AJAP1: variants seen among roughly 807,000 people sequenced by gnomAD.
The protein encoded by AJAP1 is adherens junctions associated protein 1.
A neutral mutation model predicts 35.0 loss-of-function variants in AJAP1; 5 were observed. The ratio of observed to expected loss-of-function variants is 0.14; its 90% CI spans 0.07 to 0.30. AJAP1 has a LOEUF of 0.30. Ranked by LOEUF, AJAP1 falls within the 10% of genes least tolerant of loss-of-function variation. AJAP1 has a pLI of 1.00. For missense variants in AJAP1, 586 were observed against 571.0 expected (o/e 1.03, Z -0.27); for synonymous variants, 284 against 249.3 (o/e 1.14, Z -1.31).
At chr1:4,735,416 G>A (rs1257751668) in intron 2 of AJAP1, among the ~76,000 whole-genome samples, 1 of 152,184 alleles carries the variant, frequency 6.6e-6, no homozygotes, top group Non-Finnish European at 1.5e-5. Flanking sequence ...CCAGGTTTGG[G>A]ACTCTCCTGG....
At chr1:4,759,521 G>T (rs184082218) in intron 2 of AJAP1, among the ~76,000 whole-genome samples, 2,737 of 152,226 alleles carry the variant, frequency 0.018, 77 homozygotes, top group African/African-American at 0.062. Flanking sequence ...CCAGGGAGCT[G>T]GCTCAAGCCT....
intron 2 of AJAP1, among the ~76,000 whole-genome samples, chr1:4,744,895 G>A (rs186333993): frequency 2.6e-5 from 4 of 152,228 alleles, no homozygotes; most frequent in African/African-American, 7.2e-5. Context: ...CACCTGGGAC[G>A]CGGGGCTTCA....
At chr1:4,759,252 C>T (rs1442794242) in intron 2 of AJAP1, among the ~76,000 whole-genome samples, 2 of 152,248 alleles carry the variant, frequency 1.3e-5, no homozygotes, top group African/African-American at 2.4e-5. Context: ...GCACCAGGGT[C>T]GGTGTTGAAA....
intron 2 of AJAP1, among the ~76,000 whole-genome samples, chr1:4,732,277 TGA>T (rs1640817747): frequency 1.3e-5 from 2 of 152,272 alleles, no homozygotes; most frequent in African/African-American, 4.8e-5. Context: ...TCTACTGTGC[TGA>T]TGAGGCCAGA....
chr1:4,655,470 G>T lies in AJAP1; in HGVS notation c.29+16G>T. On this transcript the variant is annotated intron_variant, in intron 1 of 5. Coordinates refer to ENST00000378191, the MANE Select transcript of AJAP1 (RefSeq NM_018836.4). This position sits in a 1 kb window ranked among gnomAD's most constrained non-coding sequence, Gnocchi z 6.9. ...TAGGACTCAGGTGAGCGACCCGGCC[G>T]GCGCCGGGTGCGTGTGGGCGCGTGG... The T allele has an allele frequency of 1.3e-6, 2 of 1,564,292 alleles. No homozygotes were observed. The highest frequency in any genetic ancestry group is 5.1e-5 in the East Asian group (2 of 39,578).
chr1:4,662,179 G>A (rs1283074123), intron 1 of AJAP1, among the ~76,000 whole-genome samples: 3 of 152,092 alleles, frequency 2.0e-5, no homozygotes, highest in Non-Finnish European at 4.4e-5. Context: ...CACAACTATT[G>A]CCATGGTCCA....
intron 2 of AJAP1, among the ~76,000 whole-genome samples, chr1:4,767,676 C>T (rs7411560): frequency 2.7e-4 from 41 of 152,114 alleles, no homozygotes; most frequent in African/African-American, 9.9e-4. Context: ...ATTATCATCA[C>T]CATCATCATC....
chr1:4,776,160 G>A (rs1259534261), intron 5 of AJAP1, among the ~76,000 whole-genome samples: 1 of 152,258 alleles, frequency 6.6e-6, no homozygotes, highest in Non-Finnish European at 1.5e-5. Context: ...TAATACGGAT[G>A]TTTGCACGGC....
intron 2 of AJAP1, among the ~76,000 whole-genome samples, chr1:4,717,137 A>C (rs531155154): frequency 6.6e-6 from 1 of 152,354 alleles, no homozygotes; most frequent in Non-Finnish European, 1.5e-5. Flanking sequence ...TCCTGGGAGA[A>C]AAACAGAAAG....
intron 1 of AJAP1, among the ~76,000 whole-genome samples, chr1:4,658,883 G>A (rs571479870): frequency 6.6e-4 from 100 of 152,320 alleles, no homozygotes; most frequent in Non-Finnish European, 1.2e-3. Flanking sequence ...GAGCAGCGCC[G>A]GCTTCTCCAA....
At position 4,774,576 on chromosome 1, in the gene AJAP1, G is replaced by T; in HGVS notation, c.*59+18G>T. 3 of 1,439,688 alleles carry T rather than the reference G, an allele frequency of 2.1e-6. No individual in the cohort carries two copies. Among genetic ancestry groups the T allele is most frequent in the South Asian group, 1.1e-5 (1 of 87,352 alleles). The allele number at this position is 1,439,688 out of a possible 1,614,324, so 89.2% of individuals were successfully genotyped here. On this transcript the variant is annotated intron_variant, in intron 5 of 5. Transcript: ENST00000378191. ...GTTTCACGGTAGGTACCTCTCTTTGGACATTCCTGTTTTCGTTCCCTTTCC... is the reference window on the plus strand; with the variant it reads ...GTTTCACGGTAGGTACCTCTCTTTGTACATTCCTGTTTTCGTTCCCTTTCC...
At position 4,655,405 on chromosome 1, in the gene AJAP1, C is replaced by T. The variant is rs368988688; in HGVS notation, c.-21C>T. 22 of 1,557,936 alleles carry T rather than the reference C, an allele frequency of 1.4e-5. No homozygotes were observed. Among genetic ancestry groups the T allele is most frequent in the Non-Finnish European group, 1.9e-5 (22 of 1,152,176 alleles). On this transcript the variant is annotated 5_prime_UTR_variant, in exon 1 of 6. Coordinates refer to ENST00000378191, the MANE Select transcript of AJAP1 (RefSeq NM_018836.4). The surrounding 1 kb of genome is among the most constrained non-coding windows in gnomAD (Gnocchi z 6.9). ...GGCCTGGGCGAGCCAGGTCTGAGGC[C>T]CCGCTCCCCGAAACGTGACCATGTG... is the stretch of plus-strand genomic sequence containing the variant.
intron 2 of AJAP1, among the ~76,000 whole-genome samples, chr1:4,713,675 C>T (rs1365785620): frequency 1.3e-5 from 2 of 152,226 alleles, no homozygotes; most frequent in African/African-American, 2.4e-5. Context: ...AGGCACAGCC[C>T]GATGTGCCAG....
chr1:4,662,048 G>GTT (rs1639010113), intron 1 of AJAP1, among the ~76,000 whole-genome samples: 2 of 80,986 alleles, frequency 2.5e-5, no homozygotes, highest in Admixed American at 1.9e-4. Flanking sequence ...CTTTATATTT[G>GTT]TGTGTGTGTG....
At chr1:4,689,879 G>T (rs1028968056) in intron 1 of AJAP1, among the ~76,000 whole-genome samples, 2 of 152,180 alleles carry the variant, frequency 1.3e-5, no homozygotes, top group Non-Finnish European at 2.9e-5. Context: ...GCCTGGAGGG[G>T]CAGGTCAGGG....
At chr1:4,709,002 A>G (rs368296450) in intron 1 of AJAP1, among the ~76,000 whole-genome samples, 1 of 152,224 alleles carries the variant, frequency 6.6e-6, no homozygotes, top group East Asian at 1.9e-4. Context: ...TCTGCATAAC[A>G]GCTGGGTGTC....
chr1:4,675,541 A>G (rs756193985), intron 1 of AJAP1, among the ~76,000 whole-genome samples: 3 of 152,164 alleles, frequency 2.0e-5, no homozygotes, highest in Non-Finnish European at 2.9e-5. Context: ...CATGTGGCCT[A>G]CCTCAGTGTC....
chr1:4,706,301 G>A (rs989610939), intron 1 of AJAP1, among the ~76,000 whole-genome samples: 5 of 152,166 alleles, frequency 3.3e-5, no homozygotes, highest in African/African-American at 1.2e-4. Flanking sequence ...ACTATTGATC[G>A]TAGAAGCACG....
intron 3 of AJAP1, among the ~76,000 whole-genome samples, chr1:4,770,212 C>A (rs1314540101): frequency 6.6e-6 from 1 of 152,132 alleles, no homozygotes; most frequent in Non-Finnish European, 1.5e-5. Flanking sequence ...TTCTCTGGAT[C>A]CAAGTGTCCC....
Sources: allele counts gnomAD v4.1 joint callset (sites outside exome capture counted in the v4.1 genomes callset), GRCh38; gene constraint gnomAD v4.1.1; non-coding constraint Gnocchi (gnomAD v3.1); transcripts MANE v1.5; gene names NCBI Gene and HGNC (gene_info 2026-07-23, HGNC 2026-07-21).